BCKDHB: variants seen among roughly 807,000 people sequenced by gnomAD.
The protein encoded by BCKDHB is 2-oxoisovalerate dehydrogenase subunit beta, mitochondrial.
A neutral mutation model predicts 48.5 loss-of-function variants in BCKDHB; 41 were observed. The observed-to-expected ratio is 0.85, with a 90% CI of 0.66 to 1.10. The LOEUF is 1.10. Ranked by LOEUF, BCKDHB falls within the 50% of genes least tolerant of loss-of-function variation. The pLI, the probability that BCKDHB is intolerant of heterozygous loss-of-function variation, is 0.00. For missense variants in BCKDHB, 496 were observed against 494.2 expected (o/e 1.00, Z -0.03); for synonymous variants, 201 against 174.8 (o/e 1.15, Z -1.18).
chr6:80,128,340 T>C (rs548429909), intron 2 of BCKDHB, among the ~76,000 whole-genome samples: 3 of 152,246 alleles, frequency 2.0e-5, no homozygotes, highest in African/African-American at 7.2e-5. Context: ...TTGATTTGTT[T>C]TGAATGCTAC....
intron 9 of BCKDHB, among the ~76,000 whole-genome samples, chr6:80,286,980 A>G (rs661018): frequency 0.8 from 121,294 of 152,006 alleles, 48,574 homozygotes; most frequent in Admixed American, 0.87. Context: ...TTTCTTTCAA[A>G]AAGAAATGTT....
intron 1 of BCKDHB, among the ~76,000 whole-genome samples, chr6:80,112,701 A>C (rs1179645649): frequency 1.3e-5 from 2 of 152,224 alleles, no homozygotes; most frequent in African/African-American, 4.8e-5. Flanking sequence ...GCTAGACCTC[A>C]GAACCTCTGC....
chr6:80,424,911 C>T, the BCKDHB span, among the ~76,000 whole-genome samples: 2 of 152,088 alleles, frequency 1.3e-5, no homozygotes, highest in Non-Finnish European at 2.9e-5. Flanking sequence ...GAAAAGAGTC[C>T]AAGGAAAGCT....
chr6:80,297,978 T>C (rs1767344472), intron 9 of BCKDHB, among the ~76,000 whole-genome samples: 1 of 152,124 alleles, frequency 6.6e-6, no homozygotes, highest in African/African-American at 2.4e-5. Context: ...GAGGATTTTT[T>C]TTTTCCCCCA....
intron 9 of BCKDHB, among the ~76,000 whole-genome samples, chr6:80,317,483 G>A (rs181591628): frequency 1.1e-4 from 16 of 152,142 alleles, no homozygotes; most frequent in African/African-American, 3.4e-4. Context: ...ATTGCATCTC[G>A]CGCATCTCGC....
At chr6:80,347,047 C>A (rs192863465), downstream of BCKDHB, among the ~76,000 whole-genome samples, 1 of 151,822 alleles carries the variant, frequency 6.6e-6, no homozygotes, top group Admixed American at 6.6e-5. Context: ...TTGTATGTGT[C>A]CCTTTAAAAC....
intron 9 of BCKDHB, among the ~76,000 whole-genome samples, chr6:80,335,324 A>T (rs1367877310): frequency 6.6e-6 from 1 of 151,998 alleles, no homozygotes; most frequent in East Asian, 1.9e-4. Context: ...GTGCCAAGCA[A>T]ATCAGAAATC....
chr6:80,384,493 G>A, the BCKDHB span, among the ~76,000 whole-genome samples: 2 of 151,946 alleles, frequency 1.3e-5, no homozygotes, highest in African/African-American at 4.8e-5. Flanking sequence ...TGAGTAGGTG[G>A]GACTACAGGC....
chr6:80,349,006 G>A (rs1054517372), downstream of BCKDHB, among the ~76,000 whole-genome samples: 1 of 152,092 alleles, frequency 6.6e-6, no homozygotes, highest in East Asian at 1.9e-4. Flanking sequence ...CAAGTAAAAA[G>A]GTGTATATCT....
At chr6:80,182,540 T>A (rs767958612) in intron 6 of BCKDHB, among the ~76,000 whole-genome samples, 18 of 152,170 alleles carry the variant, frequency 1.2e-4, no homozygotes, top group Non-Finnish European at 2.2e-4. Flanking sequence ...ATGTGTTTTC[T>A]TTGTAAAAAG....
intron 3 of BCKDHB, among the ~76,000 whole-genome samples, chr6:80,166,412 G>A (rs1360859633): frequency 2.6e-5 from 4 of 151,970 alleles, no homozygotes; most frequent in African/African-American, 4.8e-5. Flanking sequence ...TCCCAGCACC[G>A]TGGGAGGTCG....
intron 6 of BCKDHB, among the ~76,000 whole-genome samples, chr6:80,171,835 A>C (rs904670581): frequency 6.6e-6 from 1 of 152,132 alleles, no homozygotes; most frequent in Non-Finnish European, 1.5e-5. Flanking sequence ...CTATGCTGGG[A>C]TGACTGTGTA....
At chr6:80,248,779 G>A (rs908486641) in intron 8 of BCKDHB, among the ~76,000 whole-genome samples, 2 of 152,158 alleles carry the variant, frequency 1.3e-5, no homozygotes, top group Non-Finnish European at 2.9e-5. Flanking sequence ...TATAAATACA[G>A]TAATTGAAGC....
intron 6 of BCKDHB, among the ~76,000 whole-genome samples, chr6:80,181,610 T>C (rs1180746029): frequency 6.6e-6 from 1 of 152,194 alleles, no homozygotes. Context: ...CAGTTGTGGC[T>C]GATAGGCTTT....
intron 3 of BCKDHB, among the ~76,000 whole-genome samples, chr6:80,145,845 G>A (rs1301187084): frequency 6.6e-6 from 1 of 152,136 alleles, no homozygotes; most frequent in Non-Finnish European, 1.5e-5. Flanking sequence ...GCTTTGTCTA[G>A]GCTAAGGCAC....
At chr6:80,121,985 G>A (rs1348218481) in intron 1 of BCKDHB, among the ~76,000 whole-genome samples, 1 of 152,104 alleles carries the variant, frequency 6.6e-6, no homozygotes, top group Non-Finnish European at 1.5e-5. Flanking sequence ...ATCGGCTGTG[G>A]GTTTGTCATA....
chr6:80,180,367 A>T (rs1773354000), intron 6 of BCKDHB, among the ~76,000 whole-genome samples: 1 of 152,196 alleles, frequency 6.6e-6, no homozygotes, highest in South Asian at 2.1e-4. Flanking sequence ...AGGCAGAAAA[A>T]TCCAGCTGGT....
rs747561308 is a variant in BCKDHB at position 80,200,920 on chromosome 6, T to C, written c.743-14T>C. ...AAAAAATGTCCTTTTTTTTTTTTCC[T>C]GTTCTGTATTTAGCGGAAGAAGTCC... On this transcript the variant is annotated splice_polypyrimidine_tract_variant and intron_variant, in intron 6 of 9. Transcript: ENST00000320393. 3.2e-6 allele frequency: 5 copies of C among 1,577,616 alleles called. No individual in the cohort carries two copies. The South Asian group carries it at 4.5e-5, about 14-fold the overall frequency.
the BCKDHB span, among the ~76,000 whole-genome samples, chr6:80,437,416 A>G: frequency 2.0e-5 from 3 of 152,254 alleles, no homozygotes; most frequent in African/African-American, 7.2e-5. Context: ...AAAAGTCACA[A>G]TTAGAGGGCT....
Sources: gnomAD v4.1 joint callset for allele counts (sites outside exome capture counted in the v4.1 genomes callset) on GRCh38, gnomAD v4.1.1 for gene constraint, MANE v1.5 for transcripts, NCBI Gene and HGNC (gene_info 2026-07-23, HGNC 2026-07-21) for gene names.